The following GAREM1 variants were observed in gnomAD, a reference collection of about 807,000 sequenced individuals.
GAREM1 encodes GRB2 associated regulator of MAPK1 subtype 1, also known as GRB2-associated and regulator of MAPK protein 1.
A neutral mutation model predicts 71.3 loss-of-function variants in GAREM1; 26 were observed. That is an observed-to-expected ratio of 0.36 (90% CI 0.27 to 0.51). The LOEUF (loss-of-function observed/expected upper bound fraction) is 0.51, where lower values mean the gene tolerates loss of function less well. Ranked by LOEUF, GAREM1 falls within the 20% of genes least tolerant of loss-of-function variation. GAREM1 has a pLI of 0.95. For missense variants in GAREM1, 1,026 were observed against 1,103.1 expected (o/e 0.93, Z 0.99); for synonymous variants, 440 against 433.2 (o/e 1.02, Z -0.20).
intron 3 of GAREM1, among the ~76,000 whole-genome samples, chr18:32,294,273 T>C (rs1357356019): frequency 6.6e-6 from 1 of 152,188 alleles, no homozygotes; most frequent in Non-Finnish European, 1.5e-5. Flanking sequence ...CAGAAAAAGA[T>C]ACGTTATATT....
At chr18:32,354,202 T>C (rs967457360) in intron 2 of GAREM1, among the ~76,000 whole-genome samples, 3 of 152,228 alleles carry the variant, frequency 2.0e-5, no homozygotes, top group Non-Finnish European at 2.9e-5. Context: ...AGGAAAGGAT[T>C]ATGTGAAAGA....
intron 4 of GAREM1, among the ~76,000 whole-genome samples, chr18:32,272,582 C>G (rs1364951414): frequency 6.6e-6 from 1 of 151,384 alleles, no homozygotes; most frequent in Non-Finnish European, 1.5e-5. Flanking sequence ...GAGAGGAATG[C>G]TTGGCTGGGC....
intron 3 of GAREM1, among the ~76,000 whole-genome samples, chr18:32,302,138 G>A (rs567951447): frequency 1.3e-5 from 2 of 152,314 alleles, no homozygotes; most frequent in Admixed American, 1.3e-4. Context: ...AATAGAGTGT[G>A]ATGGAGCAGA....
intron 1 of GAREM1, among the ~76,000 whole-genome samples, chr18:32,409,562 T>A (rs1341182189): frequency 3.9e-5 from 6 of 152,112 alleles, no homozygotes; most frequent in African/African-American, 1.2e-4. Flanking sequence ...AAGGAATGCA[T>A]GAAACAAAAG....
intron 2 of GAREM1, among the ~76,000 whole-genome samples, chr18:32,335,502 T>C (rs189198380): frequency 6.6e-6 from 1 of 152,284 alleles, no homozygotes. Flanking sequence ...TGGGAGAATA[T>C]TTCTGCAATT....
At chr18:32,337,532 G>A (rs1404159090) in intron 2 of GAREM1, among the ~76,000 whole-genome samples, 2 of 152,316 alleles carry the variant, frequency 1.3e-5, no homozygotes, top group East Asian at 3.9e-4. Context: ...GAGGCTTACG[G>A]CTTCCCATCT....
intron 2 of GAREM1, among the ~76,000 whole-genome samples, chr18:32,343,984 T>A (rs2047671873): frequency 1.3e-5 from 2 of 152,164 alleles, no homozygotes; most frequent in South Asian, 4.1e-4. Context: ...CCTCCTGGCA[T>A]CTTCAGGTCA....
intron 2 of GAREM1, among the ~76,000 whole-genome samples, chr18:32,318,569 G>A (rs1274099591): frequency 2.0e-5 from 3 of 152,182 alleles, no homozygotes; most frequent in Admixed American, 2.0e-4. Flanking sequence ...TGTCCAGTTT[G>A]CTTCTGGTTG....
intron 3 of GAREM1, among the ~76,000 whole-genome samples, chr18:32,300,633 G>A (rs555846212): frequency 1.3e-5 from 2 of 152,284 alleles, no homozygotes; most frequent in African/African-American, 2.4e-5. Flanking sequence ...TAGGCGGGGC[G>A]CAGTGGCTCA....
chr18:32,281,395 AC>A (rs1156235260), intron 4 of GAREM1, among the ~76,000 whole-genome samples: 4 of 152,098 alleles, frequency 2.6e-5, no homozygotes, highest in Admixed American at 6.5e-5. Flanking sequence ...TCAAACACCA[AC>A]AACACAGTGT....
At chr18:32,447,002 C>T (rs1481193341) in intron 1 of GAREM1, among the ~76,000 whole-genome samples, 2 of 152,208 alleles carry the variant, frequency 1.3e-5, no homozygotes, top group African/African-American at 4.8e-5. Flanking sequence ...TCAACTGCCA[C>T]AGGCCATCAA....
At chr18:32,452,693 GT>G (rs1446964777) in intron 1 of GAREM1, among the ~76,000 whole-genome samples, 1 of 152,116 alleles carries the variant, frequency 6.6e-6, no homozygotes, top group Non-Finnish European at 1.5e-5. Flanking sequence ...CCTTGTTACT[GT>G]GCTTGTACAG....
chr18:32,406,751 G>A (rs1413808979), intron 1 of GAREM1, among the ~76,000 whole-genome samples: 1 of 152,150 alleles, frequency 6.6e-6, no homozygotes. Flanking sequence ...AATGGAAACT[G>A]AAGAAACCAA....
rs1396579829 is a variant in GAREM1 at position 32,308,630 on chromosome 18, T to TCTA, written c.393+1560_393+1562dup. ...TAGGATTTAACTTCTGACCAATGAGTCTAGGTATGTTTAAAAATGAACATG... is the reference window on the plus strand; with the variant it reads ...TAGGATTTAACTTCTGACCAATGAGTCTACTAGGTATGTTTAAAAATGAACATG... On this transcript the variant is annotated intron_variant, in intron 3 of 5. Coordinates refer to ENST00000269209, the MANE Select transcript of GAREM1 (RefSeq NM_001242409.2). Among the ~76,000 whole-genome samples the TCTA allele has an allele frequency of 2.7e-5, 4 of 149,854 alleles. No homozygotes were observed. The South Asian group carries it at 8.5e-4, about 32-fold the overall frequency.
chr18:32,438,195 T>C (rs981570076), intron 1 of GAREM1, among the ~76,000 whole-genome samples: 2 of 151,626 alleles, frequency 1.3e-5, no homozygotes, highest in Non-Finnish European at 3.0e-5. Flanking sequence ...AGGCCTACGA[T>C]ATACAACTAA....
In GAREM1 at chr18:32,370,531, T is replaced by A. The variant is rs570572989; in HGVS notation, c.262+22364A>T. On this transcript the variant is annotated intron_variant, in intron 2 of 5. Coordinates refer to ENST00000269209, the MANE Select transcript of GAREM1 (RefSeq NM_001242409.2). ...AAGTCAATATTCTTTAATTTATATA[T>A]CATATTCCTTTGGTTCCCAATTTTC... Among the ~76,000 whole-genome samples the A allele has an allele frequency of 9.5e-4, 144 of 152,186 alleles. 1 individual carries two copies. The highest frequency in any genetic ancestry group is 1.7e-3 in the Non-Finnish European group (119 of 68,034).
intron 3 of GAREM1, among the ~76,000 whole-genome samples, chr18:32,293,493 C>CA (rs2047108045): frequency 6.6e-6 from 1 of 152,014 alleles, no homozygotes; most frequent in South Asian, 2.1e-4. Context: ...ATGCTGATAG[C>CA]AAAAAGATGA....
chr18:32,278,198 C>G (rs973277129), intron 4 of GAREM1, among the ~76,000 whole-genome samples: 1 of 152,130 alleles, frequency 6.6e-6, no homozygotes, highest in African/African-American at 2.4e-5. Context: ...GGAAAAAAAT[C>G]AATTTCAGAG....
intron 4 of GAREM1, among the ~76,000 whole-genome samples, chr18:32,284,863 C>T (rs573062012): frequency 4.6e-5 from 7 of 151,654 alleles, no homozygotes; most frequent in Middle Eastern, 3.4e-3. Context: ...CATTCTCCTG[C>T]GTCAGCCTCC....
Sources: allele counts gnomAD v4.1 joint callset (sites outside exome capture counted in the v4.1 genomes callset), GRCh38; gene constraint gnomAD v4.1.1; transcripts MANE v1.5; gene names NCBI Gene and HGNC (gene_info 2026-07-23, HGNC 2026-07-21).